PDE2A: variants seen among roughly 807,000 people sequenced by gnomAD.
PDE2A encodes phosphodiesterase 2A.
In PDE2A, 53 loss-of-function variants were observed where a neutral mutation model predicts 133.6. The ratio of observed to expected loss-of-function variants is 0.40; its 90% confidence interval spans 0.32 to 0.50. PDE2A has a LOEUF of 0.50. PDE2A is among the 20% of genes least tolerant of loss of function. The pLI is 0.73. For missense variants in PDE2A, 796 were observed against 1,232.4 expected (o/e 0.65, Z 5.30); for synonymous variants, 491 against 490.2 (o/e 1.00, Z -0.02).
intron 6 of PDE2A, among the ~76,000 whole-genome samples, chr11:72,595,423 G>C (rs750520789): frequency 8.6e-5 from 13 of 151,898 alleles, no homozygotes; most frequent in African/African-American, 1.7e-4. Context: ...AACCGGGGGT[G>C]GGGGGAGCAG....
rs370453295 is a variant in PDE2A at position 72,623,391 on chromosome 11, G to A, written c.145-14640C>T. 6.5e-4 allele frequency among the ~76,000 whole-genome samples: 99 copies of A among 151,864 alleles called. 1 individual carries two copies. In the South Asian group the frequency reaches 0.019, roughly 29 times the overall value. On this transcript the variant is annotated intron_variant, in intron 2 of 30. Transcript: ENST00000334456. ...CGTTGCTGCTCCTTCTCACCTCCCC[G>A]GCCTCTAGACAATGGAATATTCAGA...
chr11:72,620,789 C>T (rs990738391), intron 2 of PDE2A, among the ~76,000 whole-genome samples: 3 of 151,418 alleles, frequency 2.0e-5, no homozygotes, highest in African/African-American at 4.9e-5. Flanking sequence ...GTGGTAAGGA[C>T]GGCAGGGGAG....
chr11:72,584,169 A>ACCCCCCCCCCCCCACCCCACCCC, intron 19 of PDE2A, 32 bp downstream of exon 19: 1 of 877,942 alleles, frequency 1.1e-6, no homozygotes, highest in Non-Finnish European at 1.8e-6. Flanking sequence ...GCCCCCTATC[A>ACCCCCCCCCCCCCACCCCACCCC]CCCCACACCC....
At chr11:72,588,688 C>G (rs1208712362) in intron 13 of PDE2A, 96 bp downstream of exon 13, 1 of 1,226,236 alleles carries the variant, frequency 8.2e-7, no homozygotes, top group Non-Finnish European at 1.1e-6. Flanking sequence ...AGACAGTAGC[C>G]CCTGCCCAGT....
At chr11:72,609,536 G>A (rs1271040282) in intron 2 of PDE2A, among the ~76,000 whole-genome samples, 1 of 152,188 alleles carries the variant, frequency 6.6e-6, no homozygotes, top group Non-Finnish European at 1.5e-5. Context: ...AGCCTTGACT[G>A]TCTCACAGCC....
At chr11:72,602,792 G>A (rs563387027) in intron 4 of PDE2A, among the ~76,000 whole-genome samples, 1 of 152,188 alleles carries the variant, frequency 6.6e-6, no homozygotes, top group Non-Finnish European at 1.5e-5. Flanking sequence ...GACAGGGAGG[G>A]GGCTGAGCTA....
At chr11:72,623,743 C>G (rs1307947447) in intron 2 of PDE2A, among the ~76,000 whole-genome samples, 4 of 152,178 alleles carry the variant, frequency 2.6e-5, no homozygotes, top group Admixed American at 6.5e-5. Context: ...CTGGTTTTCC[C>G]TCTTGCTCAT....
At chr11:72,659,290 C>G (rs1212216796) in intron 1 of PDE2A, 1 of 150,340 alleles carries the variant, frequency 6.7e-6, no homozygotes, top group Non-Finnish European at 1.5e-5. Context: ...ATAAGCACCA[C>G]TGGGAAGTGT....
rs566207647 is a variant in PDE2A at position 72,590,001 on chromosome 11, G to T, written c.757-20C>A. 3.2e-5 allele frequency: 52 copies of T among 1,603,230 alleles called. No homozygotes were observed. The highest frequency in any genetic ancestry group is 6.8e-5 in the Admixed American group (4 of 59,074). On this transcript the variant is annotated intron_variant, in intron 9 of 30. Transcript: ENST00000334456. This position sits in a 1 kb window ranked among gnomAD's most constrained non-coding sequence, Gnocchi z 4.8. ...CTGCAGCTGAGAGAGGGACAGGCAG[G>T]GCGAGGGGGTGACCGCGGATCCGGG...
intron 2 of PDE2A, among the ~76,000 whole-genome samples, chr11:72,626,697 G>A (rs746240618): frequency 3.9e-5 from 6 of 152,146 alleles, no homozygotes; most frequent in East Asian, 1.9e-4. Flanking sequence ...CACCTGCAGC[G>A]GCAATGGCAA....
In PDE2A at chr11:72,589,991, G is replaced by A. The variant is rs780788294; in HGVS notation, c.757-10C>T. 1.9e-6 allele frequency: 3 copies of A among 1,608,492 alleles called. No individual in the cohort carries two copies. The highest frequency in any genetic ancestry group is 4.5e-5 in the East Asian group (2 of 44,758). On this transcript the variant is annotated splice_polypyrimidine_tract_variant and intron_variant, in intron 9 of 30. Transcript: ENST00000334456. ...GGGTCTCCTGCTGCAGCTGAGAGAGGGACAGGCAGGGCGAGGGGGTGACCG... is the reference window on the plus strand; with the variant it reads ...GGGTCTCCTGCTGCAGCTGAGAGAGAGACAGGCAGGGCGAGGGGGTGACCG...
At chr11:72,661,700 C>T (rs1327763926) in intron 1 of PDE2A, among the ~76,000 whole-genome samples, 1 of 152,206 alleles carries the variant, frequency 6.6e-6, no homozygotes, top group African/African-American at 2.4e-5. Context: ...AGCCCAGAGG[C>T]GAGAGACGCT....
chr11:72,590,094 G>A lies in PDE2A; in HGVS notation c.756+98C>T. On this transcript the variant is annotated intron_variant, in intron 9 of 30. Transcript: ENST00000334456. The surrounding 1 kb of genome is among the most constrained non-coding windows in gnomAD (Gnocchi z 4.8). ...GCGGGTGGAGGAGAGAGGAAGGAAG[G>A]ACATCGTAATTGGAACTGAGATGGA... The A allele has an allele frequency of 2.9e-6, 4 of 1,394,232 alleles. No homozygotes were observed. In the South Asian group the frequency reaches 3.8e-5, roughly 13 times the overall value. 86.4% of individuals were successfully genotyped at this position (1,394,232 alleles called of 1,614,324 possible).
rs868442294 is a variant in PDE2A at position 72,582,447 on chromosome 11, G to A, written c.1848C>T (p.Ser616=). 1 of 1,613,864 alleles carries A rather than the reference G, an allele frequency of 6.2e-7. No individual in the cohort carries two copies. Residue 616 remains serine (S), a synonymous_variant, in exon 21 of 31, where the codon TCC becomes TCT. Coordinates refer to ENST00000334456, the MANE Select transcript of PDE2A (RefSeq NM_002599.5). ...TPRSLPEDDT[S]MAILSMLQDM... Reference sequence around the variant, plus strand: ...CAAGTGGAGGAGAGCAACTCACCATGGACGTGTCATCCTCGGGCAGGGAAC... The same window carrying A: ...CAAGTGGAGGAGAGCAACTCACCATAGACGTGTCATCCTCGGGCAGGGAAC...
intron 2 of PDE2A, among the ~76,000 whole-genome samples, chr11:72,639,453 A>G (rs1858857921): frequency 6.6e-6 from 1 of 152,208 alleles, no homozygotes; most frequent in Non-Finnish European, 1.5e-5. Context: ...CTATGGACTA[A>G]GACTGCATGG....
At position 72,582,566 on chromosome 11, in the gene PDE2A, C is replaced by G; in HGVS notation, c.1729G>C (p.Val577Leu). 1 of 1,610,758 alleles carries G rather than the reference C, an allele frequency of 6.2e-7. No homozygotes were observed. The highest frequency in any genetic ancestry group is 8.5e-7 in the Non-Finnish European group (1 of 1,178,146). ...AGTTTGGTATACTCATCATCGGAGA[C>G]CTAGAGGAGACCAGCCAGAGCATTA... The part of the protein sequence containing the change: ...ANEMMMYHMK[V>L]SDDEYTKLLH... Residue 577 changes from valine to leucine, a missense_variant and splice_region_variant, in exon 21 of 31, where the codon GTC (valine) becomes CTC (leucine). Physicochemically the swap from Val to Leu is conservative, Grantham distance 32 (BLOSUM62 1). Transcript: ENST00000334456.
chr11:72,665,083 G>C (rs1293582489), intron 1 of PDE2A, among the ~76,000 whole-genome samples: 3 of 152,172 alleles, frequency 2.0e-5, no homozygotes, highest in Admixed American at 2.0e-4. Flanking sequence ...TTGGGTTACA[G>C]GCGCGAGCCA....
At chr11:72,623,830 G>T (rs1440183099) in intron 2 of PDE2A, among the ~76,000 whole-genome samples, 1 of 151,858 alleles carries the variant, frequency 6.6e-6, no homozygotes, top group Admixed American at 6.6e-5. Context: ...TAACTCTTCT[G>T]CCATTCCATT....
Position 72,590,173 on chromosome 11 carries a change from C to T in PDE2A, c.756+19G>A. 3.2e-6 allele frequency: 5 copies of T among 1,542,512 alleles called. No individual in the cohort carries two copies. In the South Asian group the frequency reaches 4.8e-5, roughly 15 times the overall value. On this transcript the variant is annotated intron_variant, in intron 9 of 30. Transcript: ENST00000334456. This position sits in a 1 kb window ranked among gnomAD's most constrained non-coding sequence, Gnocchi z 4.8. ...GGAGACAGGACGGGGAGGTGGCCGG[C>T]AGGGGCGCAGGGACTCACGTATTGG...
Sources: gnomAD v4.1 joint callset for allele counts (sites outside exome capture counted in the v4.1 genomes callset) on GRCh38, gnomAD v4.1.1 for gene constraint, Gnocchi (gnomAD v3.1) non-coding constraint, MANE v1.5 for transcripts, NCBI Gene and HGNC (gene_info 2026-07-23, HGNC 2026-07-21) for gene names.